NEDD4: variants seen among roughly 807,000 people sequenced by gnomAD.
NEDD4 encodes E3 ubiquitin-protein ligase NEDD4.
In NEDD4, 99 loss-of-function variants were observed where a neutral mutation model predicts 144.9. The observed-to-expected ratio is 0.68, with a 90% confidence interval of 0.58 to 0.81. NEDD4 has a LOEUF of 0.81. NEDD4 is among the 30% of genes least tolerant of loss of function. NEDD4 has a pLI of 0.00. For synonymous variants in NEDD4, 318 were observed against 350.6 expected, an observed-to-expected ratio of 0.91 and a Z score of 1.04; for missense variants, 985 against 1,065.9, an observed-to-expected ratio of 0.92 and a Z score of 1.06.
Position 55,935,845 on chromosome 15 carries a change from C to CAAAAA in NEDD4, c.238-11151_238-11147dup, listed in dbSNP as rs35215537. On this transcript the variant is annotated intron_variant, in intron 4 of 28. Transcript: ENST00000435532. ...CTGGCGACAGAGTGAGACTCTGTTTCAAAAAAAAAAAAAAAAAAAAGATAC... is the reference window on the plus strand; with the variant it reads ...CTGGCGACAGAGTGAGACTCTGTTTCAAAAAAAAAAAAAAAAAAAAAAAAAGATAC... Among the ~76,000 whole-genome samples, 773 of 78,204 alleles carry CAAAAA rather than the reference C, an allele frequency of 9.9e-3. 13 individuals carry two copies. Among genetic ancestry groups the CAAAAA allele is most frequent in the Middle Eastern group, 0.041 (5 of 122 alleles). 51.3% of individuals were successfully genotyped at this position (78,204 alleles called of 152,430 possible).
At chr15:55,978,468 C>T (rs1332577368) in intron 1 of NEDD4, among the ~76,000 whole-genome samples, 4 of 152,150 alleles carry the variant, frequency 2.6e-5, no homozygotes, top group Non-Finnish European at 5.9e-5. Context: ...TAATCTCTCA[C>T]ATGTTTGAAA....
At chr15:55,833,376 T>C (rs2141959880) in intron 26 of NEDD4, among the ~76,000 whole-genome samples, 1 of 152,172 alleles carries the variant, frequency 6.6e-6, no homozygotes, top group South Asian at 2.1e-4. Context: ...AAAAATTATA[T>C]GCTGGGTGCA....
At chr15:55,949,515 A>C (rs369731702) in intron 4 of NEDD4, among the ~76,000 whole-genome samples, 1 of 152,206 alleles carries the variant, frequency 6.6e-6, no homozygotes, top group African/African-American at 2.4e-5. Flanking sequence ...TGTTTATTGC[A>C]GCACTATTCA....
At chr15:55,954,803 C>T (rs911779623) in intron 2 of NEDD4, among the ~76,000 whole-genome samples, 4 of 151,736 alleles carry the variant, frequency 2.6e-5, no homozygotes, top group African/African-American at 9.7e-5. Context: ...GGAATACAGG[C>T]GTGAGCCACC....
chr15:55,984,555 G>A (rs1258413335), intron 1 of NEDD4, among the ~76,000 whole-genome samples: 3 of 152,112 alleles, frequency 2.0e-5, no homozygotes, highest in South Asian at 2.1e-4. Flanking sequence ...TTTATTGACG[G>A]CCATGATTGT....
intron 1 of NEDD4, among the ~76,000 whole-genome samples, chr15:55,975,319 G>A (rs1239491123): frequency 4.6e-5 from 7 of 152,088 alleles, no homozygotes. Context: ...AGAATGATAT[G>A]AACTTATATT....
intron 4 of NEDD4, among the ~76,000 whole-genome samples, chr15:55,928,612 T>G (rs1343825843): frequency 6.6e-6 from 1 of 152,198 alleles, no homozygotes; most frequent in African/African-American, 2.4e-5. Flanking sequence ...TTAAGGTCTA[T>G]CCACTTGCAA....
At chr15:55,939,098 C>T (rs1372226482) in intron 4 of NEDD4, among the ~76,000 whole-genome samples, 5 of 137,894 alleles carry the variant, frequency 3.6e-5, no homozygotes, top group African/African-American at 8.4e-5. Context: ...AGAGTGAGAC[C>T]GTGTCTCGAA....
chr15:55,834,213 A>G lies in NEDD4; in HGVS notation c.2322+14T>C, dbSNP rs1390655279. The G allele has an allele frequency of 6.2e-7, 1 of 1,608,318 alleles. No individual in the cohort carries two copies. Among genetic ancestry groups the G allele is most frequent in the Non-Finnish European group, 8.5e-7 (1 of 1,175,146 alleles). Reference sequence around the variant, plus strand: ...TTCACAATTTCTGTTTCAACATAAAATGTTATGTCTTACCTCTAGTTCATT... The same window carrying G: ...TTCACAATTTCTGTTTCAACATAAAGTGTTATGTCTTACCTCTAGTTCATT... On this transcript the variant is annotated intron_variant, in intron 25 of 28. Transcript: ENST00000435532.
intron 18 of NEDD4, among the ~76,000 whole-genome samples, chr15:55,846,250 C>T (rs1351366166): frequency 6.6e-6 from 1 of 152,172 alleles, no homozygotes; most frequent in East Asian, 1.9e-4. Flanking sequence ...TTTGTGAAAG[C>T]CAGCTTCTGG....
chr15:55,846,877 T>C, intron 18 of NEDD4, 92 bp downstream of exon 18: 1 of 804,026 alleles, frequency 1.2e-6, no homozygotes, highest in Non-Finnish European at 2.0e-6. Flanking sequence ...TTGTTACAAA[T>C]ATAGAACAAA....
chr15:55,875,024 T>C (rs1188458227), intron 5 of NEDD4, among the ~76,000 whole-genome samples: 1 of 150,952 alleles, frequency 6.6e-6, no homozygotes, highest in East Asian at 1.9e-4. Context: ...TATAATAAAA[T>C]TCACTGTCTC....
intron 2 of NEDD4, among the ~76,000 whole-genome samples, chr15:55,958,277 GA>G (rs1485902170): frequency 6.6e-6 from 1 of 152,202 alleles, no homozygotes; most frequent in Non-Finnish European, 1.5e-5. Context: ...CATGCCAAGT[GA>G]AATGACCATG....
chr15:55,915,302 T>A, intron 5 of NEDD4: 2 of 1,594,794 alleles, frequency 1.3e-6, no homozygotes, highest in Non-Finnish European at 1.7e-6. Flanking sequence ...AATTAGACAG[T>A]TCATTTGTGC....
intron 5 of NEDD4, among the ~76,000 whole-genome samples, chr15:55,903,320 G>T (rs939388049): frequency 7.9e-5 from 12 of 152,068 alleles, no homozygotes; most frequent in African/African-American, 2.9e-4. Context: ...TAGTAGAAAG[G>T]TGCTTTAAAA....
intron 5 of NEDD4, among the ~76,000 whole-genome samples, chr15:55,883,846 T>G (rs1284724816): frequency 6.6e-6 from 1 of 151,582 alleles, no homozygotes; most frequent in African/African-American, 2.4e-5. Flanking sequence ...CAAAGAATTC[T>G]TCCAGATGTC....
At chr15:55,872,516 A>G in intron 6 of NEDD4, 40 bp from the exon 7 acceptor site, 1 of 909,400 alleles carries the variant, frequency 1.1e-6, no homozygotes, top group African/African-American at 1.7e-5. Flanking sequence ...TATCTATAAC[A>G]CCAAAAGCAT....
chr15:55,923,633 G>A (rs920858216), intron 5 of NEDD4, among the ~76,000 whole-genome samples: 8 of 130,522 alleles, frequency 6.1e-5, no homozygotes, highest in African/African-American at 1.1e-4. Flanking sequence ...GCGACAAAGC[G>A]AGACTCCATC....
intron 4 of NEDD4, among the ~76,000 whole-genome samples, chr15:55,940,716 G>A: frequency 6.7e-6 from 1 of 149,768 alleles, no homozygotes; most frequent in Admixed American, 6.7e-5. Flanking sequence ...TTTTTTGGTA[G>A]AGATGGGGTC....
Sources: gnomAD v4.1 joint callset for allele counts (sites outside exome capture counted in the v4.1 genomes callset) on GRCh38, gnomAD v4.1.1 for gene constraint, MANE v1.5 for transcripts, NCBI Gene and HGNC (gene_info 2026-07-23, HGNC 2026-07-21) for gene names.